PYGB: variants seen among roughly 807,000 people sequenced by gnomAD.
PYGB encodes the protein glycogen phosphorylase, brain form.
A neutral mutation model predicts 94.3 loss-of-function variants in PYGB; 82 were observed. The observed-to-expected ratio is 0.87, with a 90% CI of 0.73 to 1.04. PYGB has a LOEUF of 1.04. Ranked by LOEUF, PYGB falls within the 50% of genes least tolerant of loss-of-function variation. PYGB has a pLI of 0.00. For missense variants in PYGB, 1,132 were observed against 1,158.2 expected, an observed-to-expected ratio of 0.98 and a Z score of 0.33; for synonymous variants, 488 against 479.1, an observed-to-expected ratio of 1.02 and a Z score of -0.24.
chr20:25,270,464 A>G (rs2088257626), intron 3 of PYGB, among the ~76,000 whole-genome samples: 1 of 151,770 alleles, frequency 6.6e-6, no homozygotes, highest in Non-Finnish European at 1.5e-5. Flanking sequence ...AGCCTCCTAA[A>G]GTGTTGGGAT....
chr20:25,296,359 C>T lies in PYGB; in HGVS notation c.2380-11C>T, dbSNP rs1335987483. On this transcript the variant is annotated splice_polypyrimidine_tract_variant and intron_variant, in intron 19 of 19. Transcript: ENST00000216962. ...TGACGCCAGAGACTAATTTCATCTC[C>T]TTCCCTGCAGAACCCCAAGGAGTGG... The T allele has an allele frequency of 1.2e-6, 2 of 1,614,004 alleles. No homozygotes were observed. The highest frequency in any genetic ancestry group is 1.7e-6 in the Non-Finnish European group (2 of 1,179,972).
chr20:25,274,865 T>G lies in PYGB; in HGVS notation c.660+142T>G, dbSNP rs2088297165. On this transcript the variant is annotated intron_variant, in intron 5 of 19. Coordinates refer to ENST00000216962, the MANE Select transcript of PYGB (RefSeq NM_002862.4). The stretch of plus-strand genomic sequence containing the variant: ...ACTTAAGGTAAAAGCCGGGGGAGGT[T>G]TATTCTCCTCACTCCCCAGTCTCTT... The G allele has an allele frequency of 4.6e-6, 6 of 1,298,702 alleles. No individual in the cohort carries two copies. The Middle Eastern group carries it at 6.0e-4, about 129-fold the overall frequency. 80.4% of individuals were successfully genotyped at this position (1,298,702 alleles called of 1,614,324 possible). A position where few individuals can be genotyped will look rare whatever the true frequency, so the allele number is the denominator to read the frequency against.
At chr20:25,288,606 C>T (rs751801033) in intron 15 of PYGB, 123 bp downstream of exon 15, 16 of 1,173,686 alleles carry the variant, frequency 1.4e-5, no homozygotes, top group South Asian at 4.1e-5. Context: ...CAGCGGTCAC[C>T]GGCCCCTCTG....
intron 5 of PYGB, among the ~76,000 whole-genome samples, chr20:25,275,414 G>T (rs764059653): frequency 6.6e-6 from 1 of 152,242 alleles, no homozygotes; most frequent in African/African-American, 2.4e-5. Flanking sequence ...GGCAGGAGAG[G>T]CTGCAGGAGA....
At chr20:25,259,115 C>A in intron 1 of PYGB, 122 bp from the exon 2 acceptor site, 1 of 876,042 alleles carries the variant, frequency 1.1e-6, no homozygotes. Context: ...AGTTTTTGTG[C>A]ATGGGGTTGA....
intron 1 of PYGB, among the ~76,000 whole-genome samples, chr20:25,252,985 G>C (rs1323478289): frequency 1.3e-5 from 2 of 152,230 alleles, no homozygotes; most frequent in Non-Finnish European, 2.9e-5. Context: ...GACCACATCA[G>C]GCGTGGTTGA....
Position 25,248,128 on chromosome 20 carries a change from T to C in PYGB, c.-51T>C, listed in dbSNP as rs200461579. On this transcript the variant is annotated 5_prime_UTR_variant, in exon 1 of 20. Coordinates refer to ENST00000216962, the MANE Select transcript of PYGB (RefSeq NM_002862.4). ...CAGCTGCACCATCCCGGCGTTCGCG[T>C]GTGCCGCCGCTTTCCTCCTCCATCT... 20 of 1,503,094 alleles carry C rather than the reference T, an allele frequency of 1.3e-5. No individual in the cohort carries two copies. Among genetic ancestry groups the C allele is most frequent in the Non-Finnish European group, 1.8e-5 (20 of 1,129,440 alleles). The allele number at this position is 1,503,094 out of a possible 1,614,324, so 93.1% of individuals were successfully genotyped here.
chr20:25,270,217 T>C (rs948836817), intron 3 of PYGB, among the ~76,000 whole-genome samples: 1 of 149,760 alleles, frequency 6.7e-6, no homozygotes. Flanking sequence ...TTTTTTTTTT[T>C]TTTGAGATGG....
chr20:25,276,066 C>G (rs2088308259), intron 5 of PYGB, among the ~76,000 whole-genome samples: 1 of 152,106 alleles, frequency 6.6e-6, no homozygotes, highest in African/African-American at 2.4e-5. Context: ...TCTCTGGATG[C>G]AGGGGAACCT....
chr20:25,256,197 A>G (rs1306651724), intron 1 of PYGB, among the ~76,000 whole-genome samples: 3 of 152,344 alleles, frequency 2.0e-5, no homozygotes, highest in East Asian at 3.9e-4. Flanking sequence ...CTCTGTCTGT[A>G]AAGAACAAAA....
At chr20:25,253,349 C>T (rs6107019) in intron 1 of PYGB, among the ~76,000 whole-genome samples, 59,484 of 152,056 alleles carry the variant, frequency 0.39, 13,058 homozygotes, top group East Asian at 0.92. Flanking sequence ...CCACAGGGGC[C>T]GTGGTGGCTT....
chr20:25,256,362 G>A (rs1246339500), intron 1 of PYGB, among the ~76,000 whole-genome samples: 4 of 151,688 alleles, frequency 2.6e-5, no homozygotes, highest in South Asian at 4.2e-4. Flanking sequence ...TGGTTGTGTA[G>A]GCTTTGCATG....
Position 25,295,146 on chromosome 20 carries a change from A to G in PYGB, c.2313-458A>G. 7.3e-6 allele frequency: 8 copies of G among 1,091,754 alleles called. No individual in the cohort carries two copies. In the South Asian group the frequency reaches 1.0e-4, roughly 14 times the overall value. 67.6% of individuals were successfully genotyped at this position (1,091,754 alleles called of 1,614,324 possible). A position where few individuals can be genotyped will look rare whatever the true frequency, so the allele number is the denominator to read the frequency against. ...ATTCATAAATCTGGCATTTTTGTTC[A>G]GCACATCAGGAACTGCAAGTCAGTA... On this transcript the variant is annotated intron_variant, in intron 18 of 19. Transcript: ENST00000216962.
intron 13 of PYGB, 75 bp from the exon 14 acceptor site, chr20:25,284,029 G>A (rs1008458674): frequency 2.8e-5 from 43 of 1,562,752 alleles, no homozygotes; most frequent in Non-Finnish European, 3.7e-5. Flanking sequence ...CAGGGCACTT[G>A]AAGCAGGAAG....
intron 17 of PYGB, among the ~76,000 whole-genome samples, chr20:25,293,531 C>T (rs958247464): frequency 1.3e-5 from 2 of 152,198 alleles, no homozygotes; most frequent in Non-Finnish European, 1.5e-5. Flanking sequence ...GCCTGTGAGG[C>T]CTTAAGTAGG....
At chr20:25,271,314 G>A (rs527610385) in intron 3 of PYGB, 69 bp from the exon 4 acceptor site, 2 of 1,459,298 alleles carry the variant, frequency 1.4e-6, no homozygotes, top group African/African-American at 2.8e-5. Context: ...TGCGCCCTGT[G>A]GGCTGCCTCC....
chr20:25,274,729 T>G lies in PYGB; in HGVS notation c.660+6T>G, dbSNP rs766102685. On this transcript the variant is annotated splice_donor_region_variant and intron_variant, in intron 5 of 19. Transcript: ENST00000216962. ...TGAAGTGGCTGGACACACAGGTACCTGGGCTGAAATGTCTGCGGGCAAGGC... is the reference window on the plus strand; with the variant it reads ...TGAAGTGGCTGGACACACAGGTACCGGGGCTGAAATGTCTGCGGGCAAGGC... 2 of 1,611,034 alleles carry G rather than the reference T, an allele frequency of 1.2e-6. No homozygotes were observed. Among genetic ancestry groups the G allele is most frequent in the Non-Finnish European group, 1.7e-6 (2 of 1,179,326 alleles).
chr20:25,271,596 C>G (rs1395471768), intron 4 of PYGB, 110 bp downstream of exon 4: 1 of 1,169,888 alleles, frequency 8.5e-7, no homozygotes, highest in African/African-American at 1.5e-5. Flanking sequence ...CAGGGGACTG[C>G]AGGCCGGCCA....
intron 1 of PYGB, among the ~76,000 whole-genome samples, chr20:25,250,661 G>T (rs1345542789): frequency 2.0e-5 from 3 of 152,194 alleles, no homozygotes; most frequent in African/African-American, 7.2e-5. Flanking sequence ...ATGAGAGGAG[G>T]TGTGCTCCCA....
Sources: allele counts gnomAD v4.1 joint callset (sites outside exome capture counted in the v4.1 genomes callset), GRCh38; gene constraint gnomAD v4.1.1; transcripts MANE v1.5; gene names NCBI Gene and HGNC (gene_info 2026-07-23, HGNC 2026-07-21).